The following MMP26 variants were observed in gnomAD, a reference collection of about 807,000 sequenced individuals.
MMP26 encodes the protein matrix metalloproteinase-26.
In MMP26, 33 loss-of-function variants were observed where a neutral mutation model predicts 31.0. That is an observed-to-expected ratio of 1.06 (90% CI 0.81 to 1.42). The LOEUF is 1.42. Among genes scored for constraint, MMP26 ranks in the 40% most tolerant of loss-of-function variants. MMP26 has a pLI of 0.00. For synonymous variants in MMP26, 122 were observed against 114.9 expected, an observed-to-expected ratio of 1.06 and a Z score of -0.40; for missense variants, 347 against 316.1, an observed-to-expected ratio of 1.10 and a Z score of -0.74.
At chr11:4,875,481 A>G (rs1850367431) in intron 2 of MMP26, 1 of 152,222 alleles carries the variant, frequency 6.6e-6, no homozygotes, top group South Asian at 2.1e-4. Context: ...CTTTTCTGCA[A>G]TATTTTCTGG....
chr11:4,860,377 T>A (rs540605886), intron 2 of MMP26: 1 of 471,116 alleles, frequency 2.1e-6, no homozygotes, highest in African/African-American at 2.0e-5. Context: ...AGAAAGGAAG[T>A]AATACGTGGG....
rs564019584 is a variant in MMP26 at position 4,809,684 on chromosome 11, G to A, written c.-145+42343G>A. Among the ~76,000 whole-genome samples, 4 of 152,318 alleles carry A rather than the reference G, an allele frequency of 2.6e-5. No homozygotes were observed. In the South Asian group the frequency reaches 8.3e-4, roughly 32 times the overall value. ...CTCTTATGGAAATGTTGTGTGTGGA[G>A]GCAGTATTCCTACCTTTCTCAGGTC... On this transcript the variant is annotated intron_variant, in intron 2 of 7. Transcript: ENST00000380390.
At chr11:4,973,036 C>A (rs1564817440) in intron 2 of MMP26, 1 of 154,550 alleles carries the variant, frequency 6.5e-6, no homozygotes, top group South Asian at 2.0e-4. Context: ...ATGGAGGCAC[C>A]AGCAGAAAAG....
intron 2 of MMP26, among the ~76,000 whole-genome samples, chr11:4,867,930 G>T (rs1403732811): frequency 6.6e-6 from 1 of 152,038 alleles, no homozygotes; most frequent in African/African-American, 2.4e-5. Context: ...CTATTGTAAA[G>T]GCACATGCAT....
At chr11:4,833,157 T>C (rs765975324) in intron 2 of MMP26, 6 of 152,222 alleles carry the variant, frequency 3.9e-5, no homozygotes, top group Non-Finnish European at 8.8e-5. Flanking sequence ...GAAATGGTTC[T>C]ATTTACTTCA....
At chr11:4,915,021 C>T (rs759782925) in intron 2 of MMP26, 3 of 1,614,052 alleles carry the variant, frequency 1.9e-6, no homozygotes, top group South Asian at 2.2e-5. Context: ...AGCAGTGAGT[C>T]TATACCCACT....
chr11:4,835,545 G>A (rs1388171797), intron 2 of MMP26, among the ~76,000 whole-genome samples: 1 of 152,158 alleles, frequency 6.6e-6, no homozygotes, highest in Admixed American at 6.5e-5. Flanking sequence ...GAATTGGTAT[G>A]GATTTGGCCA....
intron 2 of MMP26, among the ~76,000 whole-genome samples, chr11:4,895,588 T>G (rs1396103413): frequency 6.6e-6 from 1 of 152,156 alleles, no homozygotes; most frequent in Non-Finnish European, 1.5e-5. Context: ...GAACAATAGA[T>G]AGGTGAAGTG....
intron 2 of MMP26, among the ~76,000 whole-genome samples, chr11:4,785,254 ATTG>A (rs1211736192): frequency 6.6e-6 from 1 of 152,184 alleles, no homozygotes; most frequent in African/African-American, 2.4e-5. Context: ...CATAATTTGC[ATTG>A]TTAACAAATT....
intron 1 of MMP26, among the ~76,000 whole-genome samples, chr11:4,730,339 G>C (rs1162019395): frequency 6.6e-6 from 1 of 151,630 alleles, no homozygotes; most frequent in Non-Finnish European, 1.5e-5. Flanking sequence ...CCACTAAAGA[G>C]CCAGGATGCA....
intron 1 of MMP26, among the ~76,000 whole-genome samples, chr11:4,760,306 G>A (rs78172301): frequency 1.3e-5 from 2 of 152,152 alleles, no homozygotes; most frequent in African/African-American, 4.8e-5. Flanking sequence ...TTATAGAGAA[G>A]GATTTAAGAT....
At chr11:4,842,105 T>C (rs1026802956) in intron 2 of MMP26, among the ~76,000 whole-genome samples, 6 of 152,004 alleles carry the variant, frequency 3.9e-5, no homozygotes, top group African/African-American at 1.5e-4. Context: ...GGTCTAAAAA[T>C]AAATAAATAA....
At chr11:4,931,194 G>A (rs1224584326) in intron 2 of MMP26, among the ~76,000 whole-genome samples, 1 of 152,036 alleles carries the variant, frequency 6.6e-6, no homozygotes, top group Admixed American at 6.6e-5. Flanking sequence ...TGAGTATGAA[G>A]AGCAAAGTGA....
rs540095547 is a variant in MMP26 at position 4,868,820 on chromosome 11, T to C, written c.-145+101479T>C. On this transcript the variant is annotated intron_variant, in intron 2 of 7. Transcript: ENST00000380390. ...TCACGCTACCTGACTTCAAACTATATTAGAAGGCTACAGTAACCAGAAGAG... is the reference window on the plus strand; with the variant it reads ...TCACGCTACCTGACTTCAAACTATACTAGAAGGCTACAGTAACCAGAAGAG... Among the ~76,000 whole-genome samples, 4 of 152,164 alleles carry C rather than the reference T, an allele frequency of 2.6e-5. No individual in the cohort carries two copies. The South Asian group carries it at 6.2e-4, about 24-fold the overall frequency.
At chr11:4,736,984 G>C (rs1848249805) in intron 1 of MMP26, 1 of 153,794 alleles carries the variant, frequency 6.5e-6, no homozygotes, top group Admixed American at 6.5e-5. Flanking sequence ...TCCAGAGAGA[G>C]CAGTTATGTA....
intron 2 of MMP26, among the ~76,000 whole-genome samples, chr11:4,808,660 C>T (rs565887025): frequency 6.6e-6 from 1 of 152,090 alleles, no homozygotes; most frequent in East Asian, 1.9e-4. Context: ...CTTCTGACTC[C>T]CCAGTAGGCT....
At chr11:4,837,760 G>T (rs1026039605) in intron 2 of MMP26, among the ~76,000 whole-genome samples, 1 of 152,046 alleles carries the variant, frequency 6.6e-6, no homozygotes, top group Admixed American at 6.6e-5. Flanking sequence ...GATTTGGCCA[G>T]TGTGCAGGAG....
intron 1 of MMP26, among the ~76,000 whole-genome samples, chr11:4,740,161 T>TA (rs2133291558): frequency 6.7e-6 from 1 of 149,034 alleles, no homozygotes; most frequent in Admixed American, 6.6e-5. Context: ...AAAATTAATA[T>TA]AAAAAATAAA....
At chr11:4,830,480 TA>T (rs1849631632) in intron 2 of MMP26, among the ~76,000 whole-genome samples, 1 of 152,210 alleles carries the variant, frequency 6.6e-6, no homozygotes, top group Admixed American at 6.5e-5. Context: ...TACAGTTGAA[TA>T]CAACAATGTT....
Sources: allele counts gnomAD v4.1 joint callset (sites outside exome capture counted in the v4.1 genomes callset), GRCh38; gene constraint gnomAD v4.1.1; transcripts MANE v1.5; gene names NCBI Gene and HGNC (gene_info 2026-07-23, HGNC 2026-07-21).